GPM6A: variants seen among roughly 807,000 people sequenced by gnomAD.
GPM6A encodes neuronal membrane glycoprotein M6-a.
Under a neutral mutation model 32.1 loss-of-function variants are expected in GPM6A, and 7 were observed. The ratio of observed to expected loss-of-function variants is 0.22; its 90% CI spans 0.12 to 0.41. The LOEUF (loss-of-function observed/expected upper bound fraction) is 0.41, where lower values mean the gene tolerates loss of function less well. GPM6A is among the 10% of genes least tolerant of loss of function. The pLI is 1.00. For missense variants in GPM6A, 235 were observed against 347.2 expected (o/e 0.68, Z 2.57); for synonymous variants, 130 against 123.4 (o/e 1.05, Z -0.35).
intron 2 of GPM6A, among the ~76,000 whole-genome samples, chr4:175,695,405 G>C (rs1186884735): frequency 1.3e-5 from 2 of 152,232 alleles, no homozygotes; most frequent in Non-Finnish European, 2.9e-5. Flanking sequence ...AGTCACAGGG[G>C]TAAAGCTTCC....
intron 1 of GPM6A, among the ~76,000 whole-genome samples, chr4:175,968,523 A>T (rs1362482512): frequency 1.3e-5 from 2 of 152,196 alleles, no homozygotes; most frequent in Non-Finnish European, 2.9e-5. Context: ...TTTGCAAAAC[A>T]CATATTTGAT....
chr4:175,930,028 C>CTAAAAATCG (rs1452863181), intron 1 of GPM6A, among the ~76,000 whole-genome samples: 4 of 152,194 alleles, frequency 2.6e-5, no homozygotes, highest in African/African-American at 7.2e-5. Context: ...AAAGGAAAAG[C>CTAAAAATCG]TAAAAATCGT....
At position 175,993,914 on chromosome 4, in the gene GPM6A, C is replaced by G. The variant is rs150023909; in HGVS notation, c.-23+8395G>C. Among the ~76,000 whole-genome samples the G allele has an allele frequency of 1.4e-3, 206 of 152,284 alleles. No individual in the cohort carries two copies. In the South Asian group the frequency reaches 0.014, roughly 11 times the overall value. ...AGGCATTTGTGCAACTTACTTGTAG[C>G]TTTACCAGATTTTCCTAGCAACGTG... On this transcript the variant is annotated intron_variant, in intron 1 of 7. Transcript: ENST00000280187.
At chr4:175,968,117 C>T (rs1016917416) in intron 1 of GPM6A, among the ~76,000 whole-genome samples, 1 of 151,484 alleles carries the variant, frequency 6.6e-6, no homozygotes, top group Non-Finnish European at 1.5e-5. Context: ...AATAGAACTA[C>T]ACAAACACAG....
At chr4:175,798,040 G>A (rs1240597624) in intron 1 of GPM6A, among the ~76,000 whole-genome samples, 1 of 152,048 alleles carries the variant, frequency 6.6e-6, no homozygotes, top group Non-Finnish European at 1.5e-5. Flanking sequence ...CTTGAGTTGG[G>A]GAAATGAAGT....
intron 1 of GPM6A, among the ~76,000 whole-genome samples, chr4:175,750,874 A>G (rs1252299319): frequency 6.6e-6 from 1 of 152,170 alleles, no homozygotes; most frequent in Non-Finnish European, 1.5e-5. Context: ...CGCTGAGGCT[A>G]TTTTACTACA....
At chr4:175,941,468 C>A (rs1412810027) in intron 1 of GPM6A, among the ~76,000 whole-genome samples, 71 of 152,196 alleles carry the variant, frequency 4.7e-4, no homozygotes, top group African/African-American at 1.6e-3. Flanking sequence ...TATACACATG[C>A]CATGGTGGTT....
At chr4:175,721,052 A>G (rs1209695227) in intron 1 of GPM6A, among the ~76,000 whole-genome samples, 2 of 126,320 alleles carry the variant, frequency 1.6e-5, no homozygotes, top group African/African-American at 2.9e-5. Context: ...ATATATATAT[A>G]TGTACTAGTA....
In GPM6A at chr4:175,919,267, T is replaced by C. The variant is rs373466160; in HGVS notation, c.-23+83042A>G. 2.8e-4 allele frequency among the ~76,000 whole-genome samples: 43 copies of C among 152,262 alleles called. 1 individual carries two copies. The highest frequency in any genetic ancestry group is 1.5e-3 in the Admixed American group (23 of 15,286). On this transcript the variant is annotated intron_variant, in intron 1 of 7. Transcript: ENST00000280187. ...GTCTAGTAAAATATAATGAGTTTTT[T>C]TGAGGTACTTCTAAAAATTCTGTGT...
chr4:175,651,881 G>C lies in GPM6A; in HGVS notation c.494C>G (p.Thr165Ser), dbSNP rs768034858. The C allele has an allele frequency of 1.2e-6, 2 of 1,613,566 alleles. No homozygotes were observed. Among genetic ancestry groups the C allele is most frequent in the Admixed American group, 1.7e-5 (1 of 59,966 alleles). The stretch of plus-strand genomic sequence containing the variant: ...GAGATTTGCTCCCTCCACTAATGTG[G>C]TGTTCCGGCAGATGGTCCACAGATT... ...YFNLWTICRNTTLVEGANLCL... is the reference protein window; with the variant it reads ...YFNLWTICRNSTLVEGANLCL... The change falls in exon 4 of 7, where the codon ACC (threonine) becomes AGC (serine). Residue 165 changes from threonine (T) to serine (S), a missense_variant. By Grantham distance (58) the Thr-to-Ser change is moderately conservative (BLOSUM62 1). Around this residue, in one of 3 missense-constraint regions of GPM6A, gnomAD observed 107 missense variants for 116.7 expected, o/e 0.92. Coordinates refer to ENST00000393658, the MANE Select transcript of GPM6A (RefSeq NM_201591.3).
intron 3 of GPM6A, among the ~76,000 whole-genome samples, chr4:175,652,492 G>A (rs2110921509): frequency 6.6e-6 from 1 of 151,934 alleles, no homozygotes; most frequent in East Asian, 1.9e-4. Flanking sequence ...TAATATTAGT[G>A]TGTACTCTTC....
intron 1 of GPM6A, among the ~76,000 whole-genome samples, chr4:175,735,448 T>C (rs1716946135): frequency 6.6e-6 from 1 of 152,184 alleles, no homozygotes; most frequent in South Asian, 2.1e-4. Context: ...TGAAATGTAA[T>C]GAATGCATAG....
At chr4:175,708,179 T>C (rs1332531361) in intron 1 of GPM6A, among the ~76,000 whole-genome samples, 3 of 151,866 alleles carry the variant, frequency 2.0e-5, no homozygotes, top group Non-Finnish European at 4.4e-5. Flanking sequence ...ACTGAAGAAA[T>C]ATAGGTGAGA....
At chr4:175,789,565 T>A (rs1040256314) in intron 1 of GPM6A, among the ~76,000 whole-genome samples, 11 of 152,106 alleles carry the variant, frequency 7.2e-5, no homozygotes, top group African/African-American at 2.7e-4. Flanking sequence ...GTATGAGAAA[T>A]CAGGGAACAT....
chr4:175,927,524 T>C (rs1738882140), intron 1 of GPM6A, among the ~76,000 whole-genome samples: 2 of 152,266 alleles, frequency 1.3e-5, no homozygotes, highest in Admixed American at 6.5e-5. Context: ...CCTCATGCTT[T>C]ATCCCAAACT....
chr4:175,698,581 C>G (rs1744700751), intron 2 of GPM6A, among the ~76,000 whole-genome samples: 1 of 152,144 alleles, frequency 6.6e-6, no homozygotes, highest in Admixed American at 6.6e-5. Context: ...TCACTTGGCA[C>G]TAATCGTATT....
chr4:175,772,077 C>G (rs1187448408), intron 1 of GPM6A, among the ~76,000 whole-genome samples: 2 of 152,194 alleles, frequency 1.3e-5, no homozygotes, highest in Non-Finnish European at 2.9e-5. Flanking sequence ...TGCTGATCCT[C>G]CCAGGTCAGT....
chr4:175,674,141 A>T (rs1743234275), intron 2 of GPM6A, among the ~76,000 whole-genome samples: 1 of 152,162 alleles, frequency 6.6e-6, no homozygotes, highest in South Asian at 2.1e-4. Context: ...GCAATAAATT[A>T]TACTTCTAAA....
intron 1 of GPM6A, among the ~76,000 whole-genome samples, chr4:175,887,230 T>C (rs1737489511): frequency 6.6e-6 from 1 of 151,962 alleles, no homozygotes; most frequent in Non-Finnish European, 1.5e-5. Flanking sequence ...TATATAATGT[T>C]CATAATGTCA....
Sources: gnomAD v4.1 joint callset for allele counts (sites outside exome capture counted in the v4.1 genomes callset) on GRCh38, gnomAD v4.1.1 for gene constraint, gnomAD v4.1.1 regional missense constraint, MANE v1.5 for transcripts, NCBI Gene and HGNC (gene_info 2026-07-23, HGNC 2026-07-21) for gene names.